NRXN1: variants seen among roughly 807,000 people sequenced by gnomAD.
NRXN1 encodes the protein neurexin-1.
NRXN1 carries 39 observed loss-of-function variants against 150.9 expected under a neutral mutation model. The ratio of observed to expected loss-of-function variants is 0.26; its 90% CI spans 0.20 to 0.34. The LOEUF (loss-of-function observed/expected upper bound fraction) is 0.34, where lower values mean the gene tolerates loss of function less well. NRXN1 is among the 10% of genes least tolerant of loss of function. The pLI, the probability that NRXN1 is intolerant of heterozygous loss-of-function variation, is 1.00. For missense variants in NRXN1, 1,815 were observed against 1,949.9 expected (o/e 0.93, Z 1.30); for synonymous variants, 924 against 757.0 (o/e 1.22, Z -3.62).
chr2:50,257,886 C>G (rs192201922), intron 17 of NRXN1, among the ~76,000 whole-genome samples: 10 of 128,942 alleles, frequency 7.8e-5, no homozygotes, highest in Admixed American at 1.6e-4. Context: ...GATAAAGTAT[C>G]TGCACAATTT....
At chr2:50,212,600 T>C (rs1251391641) in intron 18 of NRXN1, among the ~76,000 whole-genome samples, 1 of 151,842 alleles carries the variant, frequency 6.6e-6, no homozygotes, top group Non-Finnish European at 1.5e-5. Flanking sequence ...AGCCTCAAAA[T>C]TGGTAAAAGA....
At chr2:50,399,081 C>G (rs1166912230) in intron 17 of NRXN1, among the ~76,000 whole-genome samples, 1 of 152,026 alleles carries the variant, frequency 6.6e-6, no homozygotes, top group Non-Finnish European at 1.5e-5. Flanking sequence ...AGAGAATAAG[C>G]TTGATTATTC....
chr2:50,571,356 C>G lies in NRXN1; in HGVS notation c.1321-18331G>C, dbSNP rs543549995. Among the ~76,000 whole-genome samples, 229 of 152,218 alleles carry G rather than the reference C, an allele frequency of 1.5e-3. 1 individual carries two copies. The highest frequency in any genetic ancestry group is 2.3e-3 in the South Asian group (11 of 4,816). On this transcript the variant is annotated intron_variant, in intron 8 of 22. Coordinates refer to ENST00000401669, the MANE Select transcript of NRXN1 (RefSeq NM_001330078.2). ...AAGAATTGTATTAAGTTTCCTGGGT[C>G]TTAAGAAGAAGTGGCTTCTACATTC...
chr2:50,613,507 A>C (rs569385732), intron 8 of NRXN1, among the ~76,000 whole-genome samples: 99 of 152,342 alleles, frequency 6.5e-4, no homozygotes, highest in African/African-American at 2.3e-3. Flanking sequence ...GCCTGTAGCC[A>C]CAGTCAGTCC....
intron 18 of NRXN1, among the ~76,000 whole-genome samples, chr2:50,189,647 G>A (rs1386347103): frequency 1.3e-5 from 2 of 152,040 alleles, no homozygotes; most frequent in African/African-American, 2.4e-5. Context: ...AAGCCTTCTA[G>A]AATGAGTCAT....
intron 2 of NRXN1, among the ~76,000 whole-genome samples, chr2:50,951,234 G>A (rs1484354163): frequency 4.6e-5 from 7 of 152,048 alleles, no homozygotes; most frequent in Non-Finnish European, 1.5e-5. Context: ...GATGAGAGGA[G>A]TACTATATCT....
At chr2:51,023,871 T>C (rs942594924) in intron 2 of NRXN1, among the ~76,000 whole-genome samples, 1 of 152,124 alleles carries the variant, frequency 6.6e-6, no homozygotes, top group Non-Finnish European at 1.5e-5. Context: ...GTCACATGTA[T>C]CATACTGACA....
intron 17 of NRXN1, among the ~76,000 whole-genome samples, chr2:50,363,523 A>G (rs2079370682): frequency 6.6e-6 from 1 of 152,232 alleles, no homozygotes; most frequent in African/African-American, 2.4e-5. Context: ...AGAGAAAGGC[A>G]ATTAAAATCA....
intron 17 of NRXN1, among the ~76,000 whole-genome samples, chr2:50,425,632 T>C (rs1419650848): frequency 6.6e-6 from 1 of 152,190 alleles, no homozygotes; most frequent in Non-Finnish European, 1.5e-5. Flanking sequence ...GAACCCTAAA[T>C]GCTTTCTATT....
chr2:49,998,457 T>C (rs1177075533), intron 21 of NRXN1, among the ~76,000 whole-genome samples: 2 of 152,190 alleles, frequency 1.3e-5, no homozygotes, highest in African/African-American at 2.4e-5. Context: ...GGTTGCTTTT[T>C]ATATTTTTTT....
chr2:50,231,057 A>G (rs1408941926), intron 18 of NRXN1, among the ~76,000 whole-genome samples: 1 of 152,102 alleles, frequency 6.6e-6, no homozygotes, highest in Non-Finnish European at 1.5e-5. Flanking sequence ...CGGCAATAGA[A>G]AAAATAAATA....
At chr2:50,352,839 T>A (rs1218307760) in intron 17 of NRXN1, among the ~76,000 whole-genome samples, 1 of 150,948 alleles carries the variant, frequency 6.6e-6, no homozygotes, top group East Asian at 1.9e-4. Flanking sequence ...GGAGATTTAC[T>A]GCAATCTTTT....
At chr2:50,026,173 G>A (rs1235370523) in intron 21 of NRXN1, among the ~76,000 whole-genome samples, 20 of 152,076 alleles carry the variant, frequency 1.3e-4, no homozygotes, top group Admixed American at 9.8e-4. Context: ...TCCCAAGTCC[G>A]GACTCTGTCT....
chr2:49,992,895 A>T (rs566430069), intron 21 of NRXN1, among the ~76,000 whole-genome samples: 4 of 152,334 alleles, frequency 2.6e-5, no homozygotes, highest in African/African-American at 9.6e-5. Flanking sequence ...CAAAATCTGG[A>T]ACACTGACAA....
intron 13 of NRXN1, among the ~76,000 whole-genome samples, chr2:50,500,618 C>T (rs1420552423): frequency 1.3e-5 from 2 of 152,054 alleles, no homozygotes; most frequent in Non-Finnish European, 2.9e-5. Flanking sequence ...TAAAAATGCA[C>T]CATCCAAGGA....
chr2:50,496,140 T>A, intron 14 of NRXN1, 45 bp from the exon 15 acceptor site: 1 of 1,472,376 alleles, frequency 6.8e-7, no homozygotes, highest in Non-Finnish European at 9.3e-7. Flanking sequence ...ACTTTTTAAA[T>A]TTTGATGAAC....
At chr2:50,897,279 G>C (rs1219579793) in intron 5 of NRXN1, among the ~76,000 whole-genome samples, 1 of 152,164 alleles carries the variant, frequency 6.6e-6, no homozygotes, top group Non-Finnish European at 1.5e-5. Context: ...GTCGTACTGT[G>C]ACTGGCATAG....
At chr2:50,088,107 A>C (rs1014449417) in intron 19 of NRXN1, among the ~76,000 whole-genome samples, 8 of 152,150 alleles carry the variant, frequency 5.3e-5, no homozygotes, top group African/African-American at 1.4e-4. Context: ...CCCAAAAATT[A>C]ATAAAAAGAG....
chr2:50,540,828 A>G (rs1440357415), intron 9 of NRXN1, among the ~76,000 whole-genome samples: 4 of 152,030 alleles, frequency 2.6e-5, no homozygotes, highest in Admixed American at 2.6e-4. Context: ...CAGCCAACTA[A>G]TTTTTGTATT....
Sources: allele counts gnomAD v4.1 joint callset (sites outside exome capture counted in the v4.1 genomes callset), GRCh38; gene constraint gnomAD v4.1.1; transcripts MANE v1.5; gene names NCBI Gene and HGNC (gene_info 2026-07-23, HGNC 2026-07-21).